The following ADCK2 variants were observed in gnomAD, a reference collection of about 807,000 sequenced individuals.
The protein encoded by ADCK2 is uncharacterized aarF domain-containing protein kinase 2.
ADCK2 carries 37 observed loss-of-function variants against 52.3 expected under a neutral mutation model. The observed-to-expected ratio is 0.71, with a 90% confidence interval of 0.54 to 0.93. The LOEUF (loss-of-function observed/expected upper bound fraction) is 0.93. Ranked by LOEUF, ADCK2 falls within the 40% of genes least tolerant of loss-of-function variation. The probability of loss-of-function intolerance (pLI) is 0.00; values close to 1 mark genes in which losing one functional copy is unlikely to be tolerated. For missense variants in ADCK2, 695 were observed against 798.7 expected, an observed-to-expected ratio of 0.87 and a Z score of 1.56; for synonymous variants, 321 against 349.2, an observed-to-expected ratio of 0.92 and a Z score of 0.90.
In ADCK2 at chr7:140,673,988, A is replaced by T. The variant is rs1801685315; in HGVS notation, c.658A>T (p.Asn220Tyr). The stretch of plus-strand genomic sequence containing the variant: ...GGCCCAGGTGTACAAAGCATACGCC[A>T]ACACTGCCTTCCTGGAGACTGACAG... ...CVAQVYKAYA[N>Y]TAFLETDSVQ... Residue 220 changes from asparagine to tyrosine, a missense_variant, in exon 1 of 8, where the codon AAC becomes TAC. By Grantham distance (143) the Asn-to-Tyr change is moderately radical. Coordinates refer to ENST00000072869, the MANE Select transcript of ADCK2 (RefSeq NM_052853.4). This position sits in a 1 kb window ranked among gnomAD's most constrained non-coding sequence, Gnocchi z 6.4. The T allele has an allele frequency of 6.2e-7, 1 of 1,613,942 alleles. No individual in the cohort carries two copies. Among genetic ancestry groups the T allele is most frequent in the East Asian group, 2.2e-5 (1 of 44,888 alleles).
intron 2 of ADCK2, among the ~76,000 whole-genome samples, chr7:140,677,424 AAGAC>A (rs939771370): frequency 3.3e-5 from 5 of 152,038 alleles, no homozygotes; most frequent in South Asian, 4.2e-4. Flanking sequence ...AAAAAAAAGA[AAGAC>A]AGTCAGCCCT....
intron 5 of ADCK2, 123 bp from the exon 6 acceptor site, chr7:140,689,474 A>G: frequency 2.4e-6 from 3 of 1,234,186 alleles, no homozygotes; most frequent in African/African-American, 1.5e-5. Flanking sequence ...CCGAGGAGGA[A>G]GAGCCAAAAG....
chr7:140,677,021 TCAAACAAACAAACAAACAAA>T (rs113170613), intron 2 of ADCK2, among the ~76,000 whole-genome samples: 1 of 149,972 alleles, frequency 6.7e-6, no homozygotes, highest in African/African-American at 2.5e-5. Flanking sequence ...AGATCCCATC[TCAAACAAACAAACAAACAAA>T]CAAACAAACA....
chr7:140,680,319 T>C (rs768401779), intron 3 of ADCK2, among the ~76,000 whole-genome samples: 12 of 152,032 alleles, frequency 7.9e-5, no homozygotes, highest in Non-Finnish European at 1.6e-4. Flanking sequence ...GTCCGACTAA[T>C]TTTTGTATTT....
intron 3 of ADCK2, among the ~76,000 whole-genome samples, chr7:140,680,115 G>A (rs527261858): frequency 1.3e-5 from 2 of 151,888 alleles, no homozygotes; most frequent in African/African-American, 4.8e-5. Flanking sequence ...GTTAATTAGG[G>A]ATAACAAGAT....
At chr7:140,688,866 C>T (rs1455538658) in intron 5 of ADCK2, among the ~76,000 whole-genome samples, 1 of 152,180 alleles carries the variant, frequency 6.6e-6, no homozygotes, top group Non-Finnish European at 1.5e-5. Flanking sequence ...GAAAGCACTA[C>T]GTCGTGGGTG....
rs990179270 is a variant in ADCK2 at position 140,689,958 on chromosome 7, G to A, written c.1686+233G>A. 2.6e-5 allele frequency among the ~76,000 whole-genome samples: 4 copies of A among 152,246 alleles called. No individual in the cohort carries two copies. The East Asian group carries it at 7.7e-4, about 29-fold the overall frequency. On this transcript the variant is annotated intron_variant, in intron 6 of 7. Coordinates refer to ENST00000072869, the MANE Select transcript of ADCK2 (RefSeq NM_052853.4). ...GCAGCTCCTTCCTCATCCAGGGGTC[G>A]CTGTTCATTTGGGGACAGCCAAGCA...
intron 4 of ADCK2, 96 bp downstream of exon 4, chr7:140,681,233 G>T: frequency 8.4e-7 from 1 of 1,191,656 alleles, no homozygotes; most frequent in East Asian, 2.4e-5. Flanking sequence ...GGGAAGGAGA[G>T]CGAAGCAGCA....
intron 2 of ADCK2, among the ~76,000 whole-genome samples, chr7:140,675,740 T>C (rs1794395904): frequency 6.6e-6 from 1 of 152,230 alleles, no homozygotes; most frequent in South Asian, 2.1e-4. Context: ...TCTGCCATAA[T>C]CAATGACTCC....
rs772181288 is a variant in ADCK2 at position 140,694,739 on chromosome 7, C to T, written c.1817C>T (p.Pro606Leu). ...GAGGGGCTTGGCCGCTCACTGGACC[C>T]CAAACTGGACATCCTGGAGGCAGCG... Reference protein sequence around the residue: ...VLEGLGRSLDPKLDILEAARP... With the variant: ...VLEGLGRSLDLKLDILEAARP... The change falls in exon 8 of 8, where the codon CCC becomes CTC. Residue 606 changes from proline to leucine, a missense_variant. Pro to Leu is a moderately conservative substitution (Grantham distance 98). Transcript: ENST00000072869. 3.0e-5 allele frequency: 48 copies of T among 1,613,992 alleles called. No individual in the cohort carries two copies. The highest frequency in any genetic ancestry group is 3.4e-6 in the Non-Finnish European group (4 of 1,180,006).
intron 5 of ADCK2, 144 bp from the exon 6 acceptor site, chr7:140,689,453 A>G (rs1281167464): frequency 2.0e-6 from 2 of 1,006,796 alleles, no homozygotes; most frequent in Non-Finnish European, 2.9e-6. Flanking sequence ...GCAAAGGGAA[A>G]AGGTCACAGC....
intron 2 of ADCK2, among the ~76,000 whole-genome samples, chr7:140,677,107 C>T (rs1794432199): frequency 6.6e-6 from 1 of 152,150 alleles, no homozygotes; most frequent in African/African-American, 2.4e-5. Flanking sequence ...GCTTTCCTAT[C>T]CCTAAGAAAG....
At chr7:140,686,629 G>A (rs1794609114) in intron 4 of ADCK2, among the ~76,000 whole-genome samples, 1 of 152,078 alleles carries the variant, frequency 6.6e-6, no homozygotes, top group Non-Finnish European at 1.5e-5. Flanking sequence ...ACCCAGGCTG[G>A]AGGGCAGTGG....
At chr7:140,687,308 G>C (rs753831334) in intron 5 of ADCK2, 67 bp downstream of exon 5, 4 of 1,488,120 alleles carry the variant, frequency 2.7e-6, no homozygotes, top group African/African-American at 2.8e-5. Context: ...GGTGAAGCAT[G>C]GTGGCTCAGA....
intron 4 of ADCK2, among the ~76,000 whole-genome samples, chr7:140,682,534 A>T (rs1239951296): frequency 6.6e-6 from 1 of 152,158 alleles, no homozygotes; most frequent in East Asian, 1.9e-4. Flanking sequence ...AAATCTGTGA[A>T]AGAGTTTGGA....
Position 140,689,576 on chromosome 7 carries a change from CT to C in ADCK2, c.1558-17del. On this transcript the variant is annotated intron_variant, in intron 5 of 7. Transcript: ENST00000072869. ...TTTATGCTAGCTCCACTCCAAGTCC[CT>C]TTTCCGTTGCATTTTCCAGGGCCAG... 1.3e-6 allele frequency: 2 copies of C among 1,583,778 alleles called. No individual in the cohort carries two copies. Among genetic ancestry groups the C allele is most frequent in the East Asian group, 2.3e-5 (1 of 43,550 alleles).
chr7:140,684,856 C>G (rs1256468914), intron 4 of ADCK2, among the ~76,000 whole-genome samples: 6 of 152,094 alleles, frequency 3.9e-5, no homozygotes, highest in Non-Finnish European at 8.8e-5. Flanking sequence ...TTGAGGCACA[C>G]CTAGGTTTCA....
intron 7 of ADCK2, among the ~76,000 whole-genome samples, chr7:140,692,702 A>C (rs1794729254): frequency 6.6e-6 from 1 of 152,210 alleles, no homozygotes; most frequent in Non-Finnish European, 1.5e-5. Flanking sequence ...GGTTGCTTCC[A>C]CTTCTTGGTT....
In ADCK2 at chr7:140,678,191, G is replaced by A. The variant is rs546326935; in HGVS notation, c.1081-964G>A. On this transcript the variant is annotated intron_variant, in intron 2 of 7. Coordinates refer to ENST00000072869, the MANE Select transcript of ADCK2 (RefSeq NM_052853.4). This position sits in a 1 kb window ranked among gnomAD's most constrained non-coding sequence, Gnocchi z 4.9. ...GGGGGACAGGGACTGATCTGAGGGC[G>A]GTGAGGCTGCAAACTTGATGGCATT... Among the ~76,000 whole-genome samples, 26 of 152,296 alleles carry A rather than the reference G, an allele frequency of 1.7e-4. No homozygotes were observed. The highest frequency in any genetic ancestry group is 6.2e-4 in the South Asian group (3 of 4,834).
Sources: allele counts gnomAD v4.1 joint callset (sites outside exome capture counted in the v4.1 genomes callset), GRCh38; gene constraint gnomAD v4.1.1; non-coding constraint Gnocchi (gnomAD v3.1); transcripts MANE v1.5; gene names NCBI Gene and HGNC (gene_info 2026-07-23, HGNC 2026-07-21).